Variants in ADGRA1 observed in about 807,000 individuals in gnomAD.
ADGRA1 encodes adhesion G protein-coupled receptor A1.
A neutral mutation model predicts 21.3 loss-of-function variants in ADGRA1; 12 were observed. That is an observed-to-expected ratio of 0.56 (90% confidence interval 0.36 to 0.91). The LOEUF (loss-of-function observed/expected upper bound fraction) is 0.91. ADGRA1 is among the 40% of genes least tolerant of loss of function. The pLI, the probability that ADGRA1 is intolerant of heterozygous loss-of-function variation, is 0.01. For synonymous variants in ADGRA1, 385 were observed against 368.8 expected, an observed-to-expected ratio of 1.04 and a Z score of -0.50; for missense variants, 790 against 805.6, an observed-to-expected ratio of 0.98 and a Z score of 0.23.
At chr10:133,112,535 C>G (rs1270309120) in intron 5 of ADGRA1, among the ~76,000 whole-genome samples, 1 of 128,918 alleles carries the variant, frequency 7.8e-6, no homozygotes, top group Non-Finnish European at 1.7e-5. Flanking sequence ...CTGCAGGCCG[C>G]GTCGGTTATT....
rs2135858296 is a variant in ADGRA1, at chr10:133,087,978, C to G, written c.-363C>G. 2.0e-6 allele frequency: 2 copies of G among 984,790 alleles called. 1 individual carries two copies. The highest frequency in any genetic ancestry group is 9.4e-5 in the South Asian group (2 of 21,272). 61.0% of individuals were successfully genotyped at this position (984,790 alleles called of 1,614,324 possible). On this transcript the variant is annotated 5_prime_UTR_variant, in exon 1 of 7. Transcript: ENST00000392607. Reference sequence around the variant, plus strand: ...GGGCCGCTCGTGCGCGGGGCTGTGACTCACCGGCCGGCGCCGCAGCCCCGC... The same window carrying G: ...GGGCCGCTCGTGCGCGGGGCTGTGAGTCACCGGCCGGCGCCGCAGCCCCGC...
At chr10:133,090,384 A>G (rs1351094954) in intron 2 of ADGRA1, among the ~76,000 whole-genome samples, 3 of 152,230 alleles carry the variant, frequency 2.0e-5, no homozygotes, top group Non-Finnish European at 2.9e-5. Flanking sequence ...AAGACTGTGA[A>G]AGCCTGCTGA....
rs146797992 is a variant in ADGRA1, at chr10:133,102,508, G to A, written c.256-189G>A. 3.8e-3 allele frequency among the ~76,000 whole-genome samples: 577 copies of A among 152,332 alleles called. 4 individuals carry two copies. Among genetic ancestry groups the A allele is most frequent in the African/African-American group, 0.013 (558 of 41,566 alleles). The stretch of plus-strand genomic sequence containing the variant: ...GGGGAGGAAAGCTGAGCCGCTCAAG[G>A]GTCTCTGCAGCTCAGCGTCTCCCTG... On this transcript the variant is annotated intron_variant, in intron 4 of 6. Coordinates refer to ENST00000392607, the MANE Select transcript of ADGRA1 (RefSeq NM_001083909.3).
At chr10:133,121,696 G>A (rs946173298) in intron 5 of ADGRA1, among the ~76,000 whole-genome samples, 2 of 150,004 alleles carry the variant, frequency 1.3e-5, no homozygotes, top group African/African-American at 4.9e-5. Context: ...GAGTGCCTGT[G>A]CATGTGGAGT....
At chr10:133,107,637 G>T (rs970739271) in intron 5 of ADGRA1, among the ~76,000 whole-genome samples, 8 of 152,168 alleles carry the variant, frequency 5.3e-5, no homozygotes, top group Admixed American at 4.6e-4. Flanking sequence ...TCACAGCTAT[G>T]AATTTTCCTC....
chr10:133,103,023 G>A (rs1411992099), intron 5 of ADGRA1, among the ~76,000 whole-genome samples, 181 bp downstream of exon 5: 1 of 152,008 alleles, frequency 6.6e-6, no homozygotes, highest in Non-Finnish European at 1.5e-5. Context: ...AGGGTAGGGT[G>A]GTGTGCTGGA....
chr10:133,095,623 A>T, intron 2 of ADGRA1: 2 of 1,577,470 alleles, frequency 1.3e-6, no homozygotes, highest in East Asian at 2.3e-5. Context: ...TCGGGCTTTG[A>T]CTGTCAGCCA....
At chr10:133,115,010 C>T (rs966161996) in intron 5 of ADGRA1, among the ~76,000 whole-genome samples, 21 of 152,248 alleles carry the variant, frequency 1.4e-4, no homozygotes, top group African/African-American at 4.8e-4. Context: ...GCCGCAACTC[C>T]ATGAGTGCGA....
At chr10:133,090,256 C>T (rs926056486) in intron 2 of ADGRA1, among the ~76,000 whole-genome samples, 2 of 152,212 alleles carry the variant, frequency 1.3e-5, no homozygotes, top group African/African-American at 4.8e-5. Context: ...GCAGGCTGAG[C>T]CTGTTCGTGC....
chr10:133,128,032 T>A (rs1591191493), intron 6 of ADGRA1, among the ~76,000 whole-genome samples: 1 of 48,430 alleles, frequency 2.1e-5, no homozygotes, highest in African/African-American at 8.5e-5. Context: ...CACCCAGCTC[T>A]GTCCTTCCTG....
At chr10:133,119,496 C>T (rs951040819) in intron 5 of ADGRA1, among the ~76,000 whole-genome samples, 2 of 152,352 alleles carry the variant, frequency 1.3e-5, no homozygotes, top group Middle Eastern at 3.4e-3. Context: ...ACTTTACCCA[C>T]AGTGGAACTT....
In ADGRA1 at chr10:133,129,021, A is replaced by G; in HGVS notation, c.1193A>G (p.His398Arg). 2 of 1,566,098 alleles carry G rather than the reference A, an allele frequency of 1.3e-6. No homozygotes were observed. Among genetic ancestry groups the G allele is most frequent in the Non-Finnish European group, 1.7e-6 (2 of 1,154,906 alleles). The change falls in exon 7 of 7, where the codon CAC (histidine) becomes CGC (arginine). Residue 398 changes from histidine to arginine, a missense_variant. His to Arg is a conservative substitution (Grantham distance 29, BLOSUM62 0). Around this residue, in one of 3 missense-constraint regions of ADGRA1, gnomAD observed 391 missense variants for 351.5 expected, o/e 1.11. Coordinates refer to ENST00000392607, the MANE Select transcript of ADGRA1 (RefSeq NM_001083909.3). ...HCEPLTADEA[H>R]VHLQEEGAFG... ...GAGCCACTGACGGCGGACGAGGCGCACGTGCACCTGCAGGAGGAGGGCGCC... is the reference window on the plus strand; with the variant it reads ...GAGCCACTGACGGCGGACGAGGCGCGCGTGCACCTGCAGGAGGAGGGCGCC...
chr10:133,129,096 C>T lies in ADGRA1; in HGVS notation c.1268C>T (p.Pro423Leu). 3 of 1,550,054 alleles carry T rather than the reference C, an allele frequency of 1.9e-6. No homozygotes were observed. Among genetic ancestry groups the T allele is most frequent in the South Asian group, 2.4e-5 (2 of 84,322 alleles). ...GGGTGCCTTCAGGGCAGAACTAAGC[C>T]GCCCTACTTTAGCCGGCACCCAGCA... ...LHGCLQGRTKPPYFSRHPAEE... is the reference protein window; with the variant it reads ...LHGCLQGRTKLPYFSRHPAEE... The change falls in exon 7 of 7, where the codon CCG (proline) becomes CTG (leucine). Residue 423 changes from proline to leucine, a missense_variant. Physicochemically the swap from Pro to Leu is moderately conservative, Grantham distance 98. This residue lies in a region of ADGRA1 where 391 missense variants were observed against 351.5 expected (regional missense o/e 1.11). Transcript: ENST00000392607.
At chr10:133,118,912 A>G (rs1852204574) in intron 5 of ADGRA1, among the ~76,000 whole-genome samples, 1 of 144,684 alleles carries the variant, frequency 6.9e-6, no homozygotes, top group Non-Finnish European at 1.5e-5. Flanking sequence ...ACGTACACTC[A>G]CACACCACAC....
Position 133,101,254 on chromosome 10 carries a change from C to CG in ADGRA1, c.256-1439dup, listed in dbSNP as rs567280483. On this transcript the variant is annotated intron_variant, in intron 4 of 6. Transcript: ENST00000392607. ...CTTCCTGCCCGCCTGCCCCGCCCAC[C>CG]GGGGCCACAGCTCAGCACTGAGTGA... is the stretch of plus-strand genomic sequence containing the variant. 9.1e-4 allele frequency among the ~76,000 whole-genome samples: 138 copies of CG among 152,338 alleles called. 1 individual carries two copies. The highest frequency in any genetic ancestry group is 1.6e-3 in the Non-Finnish European group (110 of 68,034).
chr10:133,129,667 C>T lies in ADGRA1; in HGVS notation c.*156C>T. On this transcript the variant is annotated 3_prime_UTR_variant, in exon 7 of 7. Coordinates refer to ENST00000392607, the MANE Select transcript of ADGRA1 (RefSeq NM_001083909.3). ...CTTGTGATCACACCCCTGCCCCTTC[C>T]TTGTGATCACACCCCTGCCCCTTCC... The T allele has an allele frequency of 5.5e-6, 2 of 364,758 alleles. No homozygotes were observed. The highest frequency in any genetic ancestry group is 1.0e-5 in the Non-Finnish European group (2 of 193,698). 22.6% of individuals were successfully genotyped at this position (364,758 alleles called of 1,614,324 possible).
At chr10:133,115,157 G>A (rs371908225) in intron 5 of ADGRA1, among the ~76,000 whole-genome samples, 16 of 152,084 alleles carry the variant, frequency 1.1e-4, no homozygotes, top group South Asian at 4.1e-4. Context: ...GGCCTCAGGC[G>A]ATGGATGAGG....
chr10:133,098,624 C>T lies in ADGRA1; in HGVS notation c.132-16C>T. 6.2e-7 allele frequency: 1 copy of T among 1,603,796 alleles called. No homozygotes were observed. The highest frequency in any genetic ancestry group is 8.5e-7 in the Non-Finnish European group (1 of 1,178,312). On this transcript the variant is annotated splice_polypyrimidine_tract_variant and intron_variant, in intron 3 of 6. Transcript: ENST00000392607. ...GAGCCTCTGCTCATGTGAAACCCTC[C>T]TTTCCCGTCCCACAGCGCCATCCGC...
chr10:133,127,277 T>A lies in ADGRA1; in HGVS notation c.446T>A (p.Val149Asp). The change falls in exon 6 of 7, where the codon GTC becomes GAC. Residue 149 changes from valine to aspartate, a missense_variant. Val to Asp is a radical substitution (Grantham distance 152). Coordinates refer to ENST00000392607, the MANE Select transcript of ADGRA1 (RefSeq NM_001083909.3). ...SGGVPFIICGVTAATNIRNYG... is the reference protein window; with the variant it reads ...SGGVPFIICGDTAATNIRNYG... ...GGGGTCCCCTTTATCATCTGTGGGG[T>A]CACGGCTGCCACGAACATCAGGAAT... The A allele has an allele frequency of 6.3e-7, 1 of 1,599,498 alleles. No individual in the cohort carries two copies. Among genetic ancestry groups the A allele is most frequent in the Non-Finnish European group, 8.5e-7 (1 of 1,174,304 alleles).
Sources: allele counts gnomAD v4.1 joint callset (sites outside exome capture counted in the v4.1 genomes callset), GRCh38; gene constraint gnomAD v4.1.1; regional missense constraint gnomAD v4.1.1; transcripts MANE v1.5; gene names NCBI Gene and HGNC (gene_info 2026-07-23, HGNC 2026-07-21).